PDE1C: variants seen among roughly 807,000 people sequenced by gnomAD.
PDE1C encodes phosphodiesterase 1C, also known as dual specificity calcium/calmodulin-dependent 3',5'-cyclic nucleotide phosphodiesterase 1C.
In PDE1C, 62 loss-of-function variants were observed where a neutral mutation model predicts 93.1. The observed-to-expected ratio is 0.67, with a 90% CI of 0.54 to 0.82. The LOEUF (loss-of-function observed/expected upper bound fraction) is 0.82. Among genes scored for constraint, PDE1C ranks in the 40% least tolerant of loss-of-function variants. PDE1C has a pLI of 0.00. For synonymous variants in PDE1C, 325 were observed against 310.1 expected (o/e 1.05, Z -0.50); for missense variants, 742 against 884.6 (o/e 0.84, Z 2.04).
chr7:31,831,934 C>A (rs1270372586), intron 11 of PDE1C, among the ~76,000 whole-genome samples: 1 of 152,114 alleles, frequency 6.6e-6, no homozygotes, highest in Non-Finnish European at 1.5e-5. Flanking sequence ...CCACTACTAA[C>A]AGAAAGAAGC....
chr7:31,853,361 T>C (rs1793585489), intron 7 of PDE1C, among the ~76,000 whole-genome samples: 1 of 152,180 alleles, frequency 6.6e-6, no homozygotes, highest in Non-Finnish European at 1.5e-5. Context: ...GAGAAACAGC[T>C]TCACAGAGGA....
intron 1 of PDE1C, among the ~76,000 whole-genome samples, chr7:32,401,024 C>T (rs945400555): frequency 1.3e-5 from 2 of 152,172 alleles, no homozygotes; most frequent in Non-Finnish European, 1.5e-5. Flanking sequence ...ATAGGCTGCC[C>T]GTATACTTTT....
rs747615035 is a variant in PDE1C at position 31,873,272 on chromosome 7, C to CT, written c.609+19dup. On this transcript the variant is annotated intron_variant, in intron 6 of 17. Coordinates refer to ENST00000396191, the MANE Select transcript of PDE1C (RefSeq NM_001191057.4). ...TATGCATGTAGTTTATTTATTTTTT[C>CT]TTTTTAAAGAGGTACTGACCTTGAA... is the stretch of plus-strand genomic sequence containing the variant. 26 of 1,417,162 alleles carry CT rather than the reference C, an allele frequency of 1.8e-5. No individual in the cohort carries two copies. Among genetic ancestry groups the CT allele is most frequent in the Non-Finnish European group, 2.3e-5 (23 of 1,010,784 alleles). 87.8% of individuals were successfully genotyped at this position (1,417,162 alleles called of 1,614,324 possible).
chr7:31,797,643 T>C (rs546315478), intron 16 of PDE1C, among the ~76,000 whole-genome samples: 1 of 151,826 alleles, frequency 6.6e-6, no homozygotes, highest in East Asian at 2.0e-4. Context: ...CCAATTCACA[T>C]TCCTTGGCCT....
the PDE1C span, among the ~76,000 whole-genome samples, chr7:31,647,397 C>T: frequency 6.6e-6 from 1 of 151,956 alleles, no homozygotes; most frequent in African/African-American, 2.4e-5. Flanking sequence ...CATGGTGGCT[C>T]ACGCCTGTAA....
intron 1 of PDE1C, among the ~76,000 whole-genome samples, chr7:32,268,658 G>T (rs1259896814): frequency 6.6e-6 from 1 of 152,056 alleles, no homozygotes; most frequent in African/African-American, 2.4e-5. Flanking sequence ...AAATTCATTA[G>T]GTTGTTTTTA....
intron 7 of PDE1C, among the ~76,000 whole-genome samples, chr7:31,854,827 G>A (rs1354041073): frequency 2.0e-5 from 3 of 152,144 alleles, no homozygotes; most frequent in Non-Finnish European, 4.4e-5. Context: ...AGCACTTTGG[G>A]AGGCCAAGGT....
At chr7:31,902,633 C>T (rs1213122381) in intron 2 of PDE1C, among the ~76,000 whole-genome samples, 1 of 151,748 alleles carries the variant, frequency 6.6e-6, no homozygotes, top group Non-Finnish European at 1.5e-5. Flanking sequence ...CATCACTGTT[C>T]TGGCTATGGC....
chr7:32,380,324 G>A (rs182722755), intron 1 of PDE1C, among the ~76,000 whole-genome samples: 17 of 150,830 alleles, frequency 1.1e-4, no homozygotes, highest in East Asian at 5.9e-4. Flanking sequence ...TGAAAACTCC[G>A]CCTCCCAGGT....
chr7:31,797,220 A>C (rs1327514829), intron 16 of PDE1C, among the ~76,000 whole-genome samples: 1 of 151,666 alleles, frequency 6.6e-6, no homozygotes, highest in Non-Finnish European at 1.5e-5. Context: ...AACCCAAAGC[A>C]CTCCAGATAT....
intron 2 of PDE1C, among the ~76,000 whole-genome samples, chr7:31,906,713 C>A (rs970994934): frequency 6.6e-6 from 1 of 152,134 alleles, no homozygotes; most frequent in Admixed American, 6.6e-5. Flanking sequence ...AGCATGTGAC[C>A]TTTAGAGTAT....
At chr7:32,308,896 G>A (rs952231954) in intron 1 of PDE1C, among the ~76,000 whole-genome samples, 7 of 151,676 alleles carry the variant, frequency 4.6e-5, no homozygotes, top group East Asian at 1.9e-4. Flanking sequence ...AAACCTGGAC[G>A]GAGAATGACT....
chr7:31,966,828 T>G (rs1444615643), intron 2 of PDE1C, among the ~76,000 whole-genome samples: 1 of 152,210 alleles, frequency 6.6e-6, no homozygotes, highest in South Asian at 2.1e-4. Flanking sequence ...CTCAACTACA[T>G]GGAAACTGAA....
At chr7:32,243,877 A>G (rs554226687) in intron 1 of PDE1C, among the ~76,000 whole-genome samples, 1 of 152,356 alleles carries the variant, frequency 6.6e-6, no homozygotes, top group East Asian at 1.9e-4. Flanking sequence ...ACACTTAGAC[A>G]CAGGAGTTTC....
intron 1 of PDE1C, among the ~76,000 whole-genome samples, chr7:32,224,465 C>T (rs1331482777): frequency 6.6e-6 from 1 of 152,162 alleles, no homozygotes; most frequent in African/African-American, 2.4e-5. Flanking sequence ...GAGTCACTTT[C>T]CTTGTAGGTA....
intron 1 of PDE1C, among the ~76,000 whole-genome samples, chr7:32,222,085 C>G (rs555727206): frequency 6.6e-6 from 1 of 152,310 alleles, no homozygotes; most frequent in African/African-American, 2.4e-5. Context: ...GTACTTTGAG[C>G]TCATGAGATC....
At chr7:31,846,696 T>G (rs991242724) in intron 9 of PDE1C, among the ~76,000 whole-genome samples, 3 of 152,116 alleles carry the variant, frequency 2.0e-5, no homozygotes, top group African/African-American at 7.2e-5. Context: ...ATGGGCAACC[T>G]ACATAATGGG....
At chr7:32,225,705 A>G (rs1007766216) in intron 1 of PDE1C, among the ~76,000 whole-genome samples, 44 of 152,186 alleles carry the variant, frequency 2.9e-4, no homozygotes, top group African/African-American at 1.0e-3. Flanking sequence ...GTGCACAGCC[A>G]ATGGAAAGTG....
At chr7:32,425,658 C>T (rs1483828551) in intron 1 of PDE1C, among the ~76,000 whole-genome samples, 1 of 152,040 alleles carries the variant, frequency 6.6e-6, no homozygotes, top group Non-Finnish European at 1.5e-5. Flanking sequence ...CTGCCCAAAC[C>T]GGTGAAAGCA....
Sources: allele counts gnomAD v4.1 joint callset (sites outside exome capture counted in the v4.1 genomes callset), GRCh38; gene constraint gnomAD v4.1.1; transcripts MANE v1.5; gene names NCBI Gene and HGNC (gene_info 2026-07-23, HGNC 2026-07-21).